Variants in PCNX2 observed in about 807,000 individuals in gnomAD.
PCNX2 encodes the protein pecanex 2, also known as pecanex-like protein 2.
A neutral mutation model predicts 223.8 loss-of-function variants in PCNX2; 168 were observed. The observed-to-expected ratio is 0.75, with a 90% CI of 0.66 to 0.85. The LOEUF (loss-of-function observed/expected upper bound fraction) is 0.85, where lower values mean the gene tolerates loss of function less well. PCNX2 is among the 40% of genes least tolerant of loss of function. The pLI, the probability that PCNX2 is intolerant of heterozygous loss-of-function variation, is 0.00. For missense variants in PCNX2, 2,507 were observed against 2,675.5 expected (o/e 0.94, Z 1.39); for synonymous variants, 1,006 against 1,052.6 (o/e 0.96, Z 0.86).
At chr1:233,028,091 G>A (rs1294797866) in intron 25 of PCNX2, among the ~76,000 whole-genome samples, 1 of 152,116 alleles carries the variant, frequency 6.6e-6, no homozygotes, top group Non-Finnish European at 1.5e-5. Context: ...CAGTGTTACT[G>A]GAGAATGAAC....
At position 233,291,602 on chromosome 1, in the gene PCNX2, C is replaced by G. The variant is rs573989267; in HGVS notation, c.153+3724G>C. 49 of 818,638 alleles carry G rather than the reference C, an allele frequency of 6.0e-5. 2 individuals carry two copies. The South Asian group carries it at 2.5e-3, about 42-fold the overall frequency. The allele number at this position is 818,638 out of a possible 1,614,324, so 50.7% of individuals were successfully genotyped here. A position where few individuals can be genotyped will look rare whatever the true frequency, so the allele number is the denominator to read the frequency against. ...CAGCCTGGGCAACAACAGCGAAACT[C>G]TGTCTCAAAAAAAAAAAAAAAAAAA... On this transcript the variant is annotated intron_variant, in intron 1 of 33. Coordinates refer to ENST00000258229, the MANE Select transcript of PCNX2 (RefSeq NM_014801.4).
In PCNX2 at chr1:233,161,317, A is replaced by C. The variant is rs1325873518; in HGVS notation, c.3320T>G (p.Val1107Gly). Residue 1107 changes from valine (V) to glycine (G), a missense_variant, in exon 18 of 34, where the codon GTC (valine) becomes GGC (glycine). Val to Gly is a moderately radical substitution (Grantham distance 109, BLOSUM62 -3). This residue lies in a region of PCNX2 where 1,372 missense variants were observed against 1,509.4 expected (regional missense o/e 0.91). Coordinates refer to ENST00000258229, the MANE Select transcript of PCNX2 (RefSeq NM_014801.4). ...WDLIVCAVVA[V>G]LSFAVSASTV... ...GCTGGCGCTGACTGCAAATGAGAGGACAGCAACCACTGCGCAGACGATGAG... is the reference window on the plus strand; with the variant it reads ...GCTGGCGCTGACTGCAAATGAGAGGCCAGCAACCACTGCGCAGACGATGAG... The C allele has an allele frequency of 7.4e-6, 12 of 1,613,934 alleles. No individual in the cohort carries two copies. Among genetic ancestry groups the C allele is most frequent in the Non-Finnish European group, 1.0e-5 (12 of 1,179,858 alleles).
rs1015855137 is a variant in PCNX2 at position 233,200,247 on chromosome 1, G to C, written c.2881C>G (p.Pro961Ala). The C allele has an allele frequency of 7.6e-6, 12 of 1,578,018 alleles. No homozygotes were observed. The highest frequency in any genetic ancestry group is 9.5e-6 in the Non-Finnish European group (11 of 1,160,746). Residue 961 changes from proline to alanine, a missense_variant, in exon 14 of 34, where the codon CCT becomes GCT. This residue lies in a region of PCNX2 where 104 missense variants were observed against 144.4 expected (regional missense o/e 0.72). Transcript: ENST00000258229. ...AAGAGCCCAAGGAGGGAAATAGCAG[G>C]GAAGCAATATAAAAATACTGAAAAT... Reference protein sequence around the residue: ...DYLIVFLYCFPAISLLGLFPQ... With the variant: ...DYLIVFLYCFAAISLLGLFPQ...
At chr1:233,317,186 G>A in the PCNX2 span, among the ~76,000 whole-genome samples, 1 of 152,196 alleles carries the variant, frequency 6.6e-6, no homozygotes, top group African/African-American at 2.4e-5. Context: ...GGCTGAGGCA[G>A]GCGAATCAGC....
chr1:233,019,277 C>G lies in PCNX2; in HGVS notation c.4606-2123G>C, dbSNP rs891417007. On this transcript the variant is annotated intron_variant, in intron 26 of 33. Coordinates refer to ENST00000258229, the MANE Select transcript of PCNX2 (RefSeq NM_014801.4). ...CCTTCTATTACGCTCCACAGTCTAC[C>G]TGTCCCAAAAATGAGGAAGTGGAAA... 4 of 879,372 alleles carry G rather than the reference C, an allele frequency of 4.5e-6. No homozygotes were observed. The African/African-American group carries it at 7.3e-5, about 16-fold the overall frequency. The allele number at this position is 879,372 out of a possible 1,614,324, so 54.5% of individuals were successfully genotyped here. A position where few individuals can be genotyped will look rare whatever the true frequency, so the allele number is the denominator to read the frequency against.
At chr1:233,148,378 G>T (rs1438848557) in intron 19 of PCNX2, among the ~76,000 whole-genome samples, 2 of 151,448 alleles carry the variant, frequency 1.3e-5, no homozygotes, top group African/African-American at 2.4e-5. Flanking sequence ...TTGACTTCAG[G>T]TTCCATTAAC....
chr1:232,989,648 C>A (rs1308128056), intron 32 of PCNX2, among the ~76,000 whole-genome samples: 1 of 152,186 alleles, frequency 6.6e-6, no homozygotes, highest in Admixed American at 6.5e-5. Context: ...CCCTGTATCA[C>A]TTCTATGAGC....
intron 8 of PCNX2, among the ~76,000 whole-genome samples, chr1:233,247,877 C>CA (rs57333423): frequency 0.76 from 90,868 of 119,372 alleles, 34,905 homozygotes; most frequent in East Asian, 0.96. Context: ...AACTCCGTCT[C>CA]AAAAAAAAAA....
intron 17 of PCNX2, chr1:233,167,720 C>A (rs944436144): frequency 4.1e-6 from 4 of 982,548 alleles, no homozygotes; most frequent in Non-Finnish European, 4.8e-6. Context: ...ATAAAAATAT[C>A]TTTAAAAGGA....
intron 25 of PCNX2, among the ~76,000 whole-genome samples, chr1:233,039,128 C>T (rs368528047): frequency 2.8e-4 from 42 of 152,200 alleles, no homozygotes; most frequent in African/African-American, 9.4e-4. Flanking sequence ...CCATAATAGC[C>T]TTTAAGAATG....
At chr1:233,118,018 A>C (rs1438705522) in intron 21 of PCNX2, among the ~76,000 whole-genome samples, 1 of 152,058 alleles carries the variant, frequency 6.6e-6, no homozygotes, top group African/African-American at 2.4e-5. Context: ...TCAAAAAAAA[A>C]AAAAAGAATA....
At chr1:233,297,250 C>G (rs1429380446), upstream of PCNX2, among the ~76,000 whole-genome samples, 1 of 152,148 alleles carries the variant, frequency 6.6e-6, no homozygotes, top group Non-Finnish European at 1.5e-5. Context: ...GTTCACTTGT[C>G]CTGATTCATC....
At chr1:233,141,926 A>G (rs1359213546) in intron 19 of PCNX2, among the ~76,000 whole-genome samples, 1 of 152,096 alleles carries the variant, frequency 6.6e-6, no homozygotes, top group Non-Finnish European at 1.5e-5. Flanking sequence ...TTATCAGTAC[A>G]AACACTCCAA....
At chr1:233,187,256 A>G (rs1275646738) in intron 15 of PCNX2, among the ~76,000 whole-genome samples, 1 of 152,252 alleles carries the variant, frequency 6.6e-6, no homozygotes, top group Non-Finnish European at 1.5e-5. Flanking sequence ...TATTGTGGTA[A>G]GTATCTATAT....
intron 12 of PCNX2, among the ~76,000 whole-genome samples, chr1:233,209,775 T>C (rs1681718831): frequency 1.3e-5 from 2 of 152,230 alleles, no homozygotes; most frequent in Non-Finnish European, 2.9e-5. Flanking sequence ...TCCTTTTGAA[T>C]CCAACTAGGT....
At chr1:233,103,081 A>T (rs1181484604) in intron 21 of PCNX2, among the ~76,000 whole-genome samples, 1 of 152,102 alleles carries the variant, frequency 6.6e-6, no homozygotes, top group Admixed American at 6.6e-5. Flanking sequence ...TAGATGTTTC[A>T]TCCCTCTGAA....
At chr1:233,177,572 A>G (rs1186834809) in intron 17 of PCNX2, among the ~76,000 whole-genome samples, 1 of 152,202 alleles carries the variant, frequency 6.6e-6, no homozygotes, top group African/African-American at 2.4e-5. Flanking sequence ...TTGCTGAGTA[A>G]GTTAAATTTA....
chr1:233,081,987 T>C (rs914335399), intron 23 of PCNX2, among the ~76,000 whole-genome samples: 2 of 133,178 alleles, frequency 1.5e-5, no homozygotes, highest in Non-Finnish European at 3.1e-5. Context: ...TGGCATTCTG[T>C]GTGTGTTTGT....
At chr1:233,072,848 A>C (rs1275253154) in intron 23 of PCNX2, among the ~76,000 whole-genome samples, 2 of 152,162 alleles carry the variant, frequency 1.3e-5, no homozygotes, top group Non-Finnish European at 1.5e-5. Flanking sequence ...TTCTTCTCTC[A>C]TGATGACACT....
Sources: allele counts gnomAD v4.1 joint callset (sites outside exome capture counted in the v4.1 genomes callset), GRCh38; gene constraint gnomAD v4.1.1; regional missense constraint gnomAD v4.1.1; transcripts MANE v1.5; gene names NCBI Gene and HGNC (gene_info 2026-07-23, HGNC 2026-07-21).